EDEM3: variants seen among roughly 807,000 people sequenced by gnomAD.
EDEM3 encodes the protein ER degradation-enhancing alpha-mannosidase-like protein 3.
Under a neutral mutation model 110.2 loss-of-function variants are expected in EDEM3, and 60 were observed. The ratio of observed to expected loss-of-function variants is 0.54; its 90% CI spans 0.44 to 0.67. The LOEUF is 0.67. Ranked by LOEUF, EDEM3 falls within the 30% of genes least tolerant of loss-of-function variation. The pLI is 0.00. For missense variants in EDEM3, 996 were observed against 1,121.0 expected (o/e 0.89, Z 1.59); for synonymous variants, 352 against 382.9 (o/e 0.92, Z 0.94).
At chr1:184,752,076 G>A (rs879467608) in intron 1 of EDEM3, among the ~76,000 whole-genome samples, 1 of 152,182 alleles carries the variant, frequency 6.6e-6, no homozygotes. Context: ...CTAAAGTTAC[G>A]TCTCCTGCCC....
chr1:184,754,722 G>A lies in EDEM3; in HGVS notation c.-76C>T. ...CATTGCTGGACGCTGGTGGCCAGGG[G>A]GCTGCTAGCCGTGCCGAGACGGGGC... is the stretch of plus-strand genomic sequence containing the variant. On this transcript the variant is annotated 5_prime_UTR_variant, in exon 1 of 20. Transcript: ENST00000318130. 7.0e-7 allele frequency: 1 copy of A among 1,437,900 alleles called. No homozygotes were observed. Among genetic ancestry groups the A allele is most frequent in the Non-Finnish European group, 9.1e-7 (1 of 1,101,948 alleles). The allele number at this position is 1,437,900 out of a possible 1,614,324, so 89.1% of individuals were successfully genotyped here.
intron 19 of EDEM3, chr1:184,701,444 C>A: frequency 9.2e-7 from 1 of 1,091,142 alleles, no homozygotes; most frequent in Non-Finnish European, 1.2e-6. Context: ...GTACACACAC[C>A]CAAATACATA....
intron 19 of EDEM3, among the ~76,000 whole-genome samples, chr1:184,701,057 A>T (rs1273043024): frequency 6.6e-6 from 1 of 151,934 alleles, no homozygotes; most frequent in African/African-American, 2.4e-5. Context: ...AAGAATTCTT[A>T]TTTTCTGGTA....
chr1:184,744,085 A>AC lies in EDEM3; in HGVS notation c.204+5461_204+5462insG, dbSNP rs553610532. ...TCATAAGAGAAAAATAATAAACTGG[A>AC]TTGATCATAATTTAAAGTATTTGTG... On this transcript the variant is annotated intron_variant, in intron 2 of 19. Transcript: ENST00000318130. Among the ~76,000 whole-genome samples, 432 of 151,620 alleles carry AC rather than the reference A, an allele frequency of 2.8e-3. 5 individuals are homozygous for AC. The East Asian group carries it at 0.036, about 13-fold the overall frequency.
Position 184,693,890 on chromosome 1 carries a change from T to C in EDEM3, c.*173A>G. ...ATGGGACAGTTTTAAACAAGGTCAATTCTAACACAGCATGCTCCAGATTCC... is the reference window on the plus strand; with the variant it reads ...ATGGGACAGTTTTAAACAAGGTCAACTCTAACACAGCATGCTCCAGATTCC... On this transcript the variant is annotated 3_prime_UTR_variant, in exon 20 of 20. Transcript: ENST00000318130. 1.5e-6 allele frequency: 1 copy of C among 677,962 alleles called. No individual in the cohort carries two copies. The highest frequency in any genetic ancestry group is 2.4e-6 in the Non-Finnish European group (1 of 418,238). 42.0% of individuals were successfully genotyped at this position (677,962 alleles called of 1,614,324 possible). A position where few individuals can be genotyped will look rare whatever the true frequency, so the allele number is the denominator to read the frequency against.
At position 184,709,912 on chromosome 1, in the gene EDEM3, TA is replaced by T. The variant is rs1314646922; in HGVS notation, c.1845+481del. Among the ~76,000 whole-genome samples, 35 of 152,230 alleles carry T rather than the reference TA, an allele frequency of 2.3e-4. 1 individual carries two copies. Among genetic ancestry groups the T allele is most frequent in the Non-Finnish European group, 1.5e-5 (1 of 68,008 alleles). ...CTTTGTGTTATAAAAACTTTCAAAG[TA>T]AAAATCAATAAAAATTTCTCAAAAA... On this transcript the variant is annotated intron_variant, in intron 16 of 19. Coordinates refer to ENST00000318130, the MANE Select transcript of EDEM3 (RefSeq NM_025191.4).
intron 5 of EDEM3, among the ~76,000 whole-genome samples, chr1:184,733,916 G>C (rs1651677891): frequency 6.6e-6 from 1 of 151,958 alleles, no homozygotes; most frequent in Admixed American, 6.6e-5. Context: ...TACCTGAAGA[G>C]GTGCTTGGCT....
At chr1:184,730,926 A>G (rs1008375161) in intron 6 of EDEM3, among the ~76,000 whole-genome samples, 1 of 152,176 alleles carries the variant, frequency 6.6e-6, no homozygotes, top group African/African-American at 2.4e-5. Flanking sequence ...GAAATGGAAC[A>G]ATGATTTCAC....
intron 8 of EDEM3, among the ~76,000 whole-genome samples, chr1:184,722,318 T>C (rs1650950530): frequency 6.6e-6 from 1 of 152,044 alleles, no homozygotes; most frequent in South Asian, 2.1e-4. Flanking sequence ...TGTTATGACA[T>C]AATGGATTTA....
In EDEM3 at chr1:184,694,248, C is replaced by G. The variant is rs267598231; in HGVS notation, c.2614G>C (p.Glu872Gln). ...CATTCACCATTAAGATTTGTAGTCT[C>G]ATGGTTTTCTGTGGGATTAGAAGTC... is the stretch of plus-strand genomic sequence containing the variant. ...EQTSNPTENH[E>Q]TTNLNGECTD... The change falls in exon 20 of 20, where the codon GAG becomes CAG. Residue 872 changes from glutamate (E) to glutamine (Q), a missense_variant. By Grantham distance (29) the Glu-to-Gln change is conservative. Around this residue, in one of 5 missense-constraint regions of EDEM3, gnomAD observed 345 missense variants for 402.0 expected, o/e 0.86. Coordinates refer to ENST00000318130, the MANE Select transcript of EDEM3 (RefSeq NM_025191.4). 6.2e-7 allele frequency: 1 copy of G among 1,613,334 alleles called. No homozygotes were observed. The highest frequency in any genetic ancestry group is 8.5e-7 in the Non-Finnish European group (1 of 1,179,592).
rs191399952 is a variant in EDEM3 at position 184,731,943 on chromosome 1, G to A, written c.612+894C>T. On this transcript the variant is annotated intron_variant, in intron 6 of 19. Transcript: ENST00000318130. Reference sequence around the variant, plus strand: ...TGTAATCCCAGCACTTTGGGAGGCCGAGGCAGGTGGATCACAAGGTCAGGA... The same window carrying A: ...TGTAATCCCAGCACTTTGGGAGGCCAAGGCAGGTGGATCACAAGGTCAGGA... Among the ~76,000 whole-genome samples, 441 of 152,212 alleles carry A rather than the reference G, an allele frequency of 2.9e-3. 5 individuals are homozygous for A. The East Asian group carries it at 0.036, about 12-fold the overall frequency.
intron 2 of EDEM3, among the ~76,000 whole-genome samples, chr1:184,742,685 A>C (rs1652210295): frequency 6.6e-6 from 1 of 152,128 alleles, no homozygotes; most frequent in Admixed American, 6.6e-5. Flanking sequence ...CACCATGCCC[A>C]GCCCCTAATT....
At chr1:184,695,783 G>A (rs1299891986) in intron 19 of EDEM3, among the ~76,000 whole-genome samples, 1 of 151,928 alleles carries the variant, frequency 6.6e-6, no homozygotes, top group Non-Finnish European at 1.5e-5. Flanking sequence ...TAAAGTATAA[G>A]ATAATGTCAA....
chr1:184,700,460 T>C (rs552429006), intron 19 of EDEM3, among the ~76,000 whole-genome samples: 2 of 151,998 alleles, frequency 1.3e-5, no homozygotes, highest in Non-Finnish European at 2.9e-5. Context: ...AATGGTACAA[T>C]ATGGCCTGAT....
intron 12 of EDEM3, 65 bp downstream of exon 12, chr1:184,717,475 A>G: frequency 7.4e-7 from 1 of 1,346,064 alleles, no homozygotes; most frequent in Non-Finnish European, 1.0e-6. Context: ...ACTATTATGA[A>G]AGAATGAGAG....
intron 19 of EDEM3, among the ~76,000 whole-genome samples, chr1:184,699,429 G>A (rs949846251): frequency 4.6e-5 from 7 of 151,836 alleles, no homozygotes; most frequent in Non-Finnish European, 7.4e-5. Context: ...AAGAGATGGC[G>A]CAAATGTGAA....
intron 19 of EDEM3, 73 bp downstream of exon 19, chr1:184,702,738 A>C: frequency 1.6e-6 from 2 of 1,263,822 alleles, no homozygotes; most frequent in Non-Finnish European, 2.1e-6. Context: ...ATTTTTTGTG[A>C]CTCATTCTTG....
Position 184,723,864 on chromosome 1 carries a change from T to TA in EDEM3, c.748-9_748-8insT, listed in dbSNP as rs1423907364. ...AGCTTTTCTGGCATATTCCTGTAAT[T>TA]TAAAAAAAAAAAAAAAAAAAAGAAG... On this transcript the variant is annotated splice_polypyrimidine_tract_variant and intron_variant, in intron 7 of 19. Coordinates refer to ENST00000318130, the MANE Select transcript of EDEM3 (RefSeq NM_025191.4). 6.7e-5 allele frequency: 87 copies of TA among 1,304,186 alleles called. No individual in the cohort carries two copies. Among genetic ancestry groups the TA allele is most frequent in the African/African-American group, 4.6e-4 (16 of 34,470 alleles). The allele number at this position is 1,304,186 out of a possible 1,614,324, so 80.8% of individuals were successfully genotyped here.
At chr1:184,715,076 G>A (rs1256275621) in intron 13 of EDEM3, among the ~76,000 whole-genome samples, 1 of 152,188 alleles carries the variant, frequency 6.6e-6, no homozygotes, top group Non-Finnish European at 1.5e-5. Flanking sequence ...ATAGAGGGTG[G>A]AAACTCATCA....
Sources: gnomAD v4.1 joint callset for allele counts (sites outside exome capture counted in the v4.1 genomes callset) on GRCh38, gnomAD v4.1.1 for gene constraint, gnomAD v4.1.1 regional missense constraint, MANE v1.5 for transcripts, NCBI Gene and HGNC (gene_info 2026-07-23, HGNC 2026-07-21) for gene names.